Variants in SAMMSON observed in about 807,000 individuals in gnomAD.
The protein encoded by SAMMSON is survival associated mitochondrial melanoma specific oncogenic non-coding RNA.
intron 4 of SAMMSON, among the ~76,000 whole-genome samples, chr3:70,220,663 T>C (rs1245981305): frequency 6.6e-6 from 1 of 152,166 alleles, no homozygotes; most frequent in Non-Finnish European, 1.5e-5. Context: ...GGGTATCATG[T>C]ATGAGGAAAC....
chr3:70,040,042 C>A (rs61678936), intron 3 of SAMMSON, among the ~76,000 whole-genome samples: 2,811 of 152,104 alleles, frequency 0.018, 89 homozygotes, highest in African/African-American at 0.062. Flanking sequence ...GTGATTTCAA[C>A]TTTTTGGGCT....
At chr3:70,327,800 A>G (rs1702589938) in intron 7 of SAMMSON, among the ~76,000 whole-genome samples, 1 of 152,198 alleles carries the variant, frequency 6.6e-6, no homozygotes, top group African/African-American at 2.4e-5. Flanking sequence ...GGAAGCCATG[A>G]AAGGAGCCAA....
At chr3:70,021,788 G>T (rs2067014238) in intron 3 of SAMMSON, among the ~76,000 whole-genome samples, 1 of 152,036 alleles carries the variant, frequency 6.6e-6, no homozygotes, top group South Asian at 2.1e-4. Context: ...GAGTGCATTT[G>T]TACAAATCTG....
intron 4 of SAMMSON, among the ~76,000 whole-genome samples, chr3:70,207,962 A>T (rs775454599): frequency 3.9e-5 from 6 of 152,038 alleles, no homozygotes; most frequent in Non-Finnish European, 8.8e-5. Flanking sequence ...TAGAGGGATG[A>T]CTAAGACAGG....
chr3:70,315,683 T>A (rs1575624168), intron 7 of SAMMSON, among the ~76,000 whole-genome samples: 1 of 152,068 alleles, frequency 6.6e-6, no homozygotes, highest in Non-Finnish European at 1.5e-5. Flanking sequence ...GGACTAAGAT[T>A]TAGTCTCTTG....
At chr3:70,407,621 C>T (rs1390986378) in intron 2 of SAMMSON, among the ~76,000 whole-genome samples, 1 of 152,220 alleles carries the variant, frequency 6.6e-6, no homozygotes, top group Non-Finnish European at 1.5e-5. Flanking sequence ...AGGTGGGTTC[C>T]CATGGTCTTG....
At chr3:70,218,290 A>G (rs946157768) in intron 4 of SAMMSON, among the ~76,000 whole-genome samples, 53 of 152,160 alleles carry the variant, frequency 3.5e-4, no homozygotes, top group Non-Finnish European at 1.2e-4. Context: ...TACAGTGAAT[A>G]TGGTAGCATG....
At chr3:70,036,091 A>AT (rs1020688193) in intron 3 of SAMMSON, among the ~76,000 whole-genome samples, 11 of 152,110 alleles carry the variant, frequency 7.2e-5, no homozygotes, top group Non-Finnish European at 1.3e-4. Flanking sequence ...CTAAATGATG[A>AT]TTTTTTTAGA....
intron 6 of SAMMSON, among the ~76,000 whole-genome samples, chr3:70,251,047 ATGC>A (rs1701761687): frequency 1.3e-5 from 2 of 152,218 alleles, no homozygotes; most frequent in Non-Finnish European, 2.9e-5. Flanking sequence ...CTTAGAGAAT[ATGC>A]TGTACACGGT....
intron 4 of SAMMSON, among the ~76,000 whole-genome samples, chr3:70,243,929 A>G (rs190878112): frequency 1.8e-4 from 27 of 152,296 alleles, no homozygotes; most frequent in Admixed American, 1.0e-3. Context: ...TAAGTAACAG[A>G]GGAGGTAAGG....
Position 70,395,331 on chromosome 3 carries a change from C to CTTTTT in SAMMSON, n.233+37021_233+37025dup, listed in dbSNP as rs71126501. Among the ~76,000 whole-genome samples the CTTTTT allele has an allele frequency of 1.3e-3, 147 of 113,596 alleles. 1 individual carries two copies. Among genetic ancestry groups the CTTTTT allele is most frequent in the East Asian group, 3.0e-3 (10 of 3,316 alleles). 74.5% of individuals were successfully genotyped at this position (113,596 alleles called of 152,430 possible). ...CTCTCCTCTCCTTCTCTCTCTCTCT[C>CTTTTT]TTTTTTTTTTTTTTTTTTGTGTTGT... On this transcript the variant is annotated intron_variant and non_coding_transcript_variant, in intron 2 of 3. Transcript: ENST00000641053.
intron 6 of SAMMSON, among the ~76,000 whole-genome samples, chr3:70,279,306 T>C (rs778032812): frequency 6.6e-6 from 1 of 152,090 alleles, no homozygotes; most frequent in African/African-American, 2.4e-5. Context: ...CAAATCATCC[T>C]TGAACACATA....
chr3:70,328,657 A>G (rs1327228231), intron 7 of SAMMSON, among the ~76,000 whole-genome samples: 1 of 152,162 alleles, frequency 6.6e-6, no homozygotes, highest in African/African-American at 2.4e-5. Context: ...AAAATAAGGA[A>G]TTGGGCATCA....
intron 7 of SAMMSON, among the ~76,000 whole-genome samples, chr3:70,344,489 C>T (rs1172550697): frequency 6.6e-6 from 1 of 152,184 alleles, no homozygotes; most frequent in Non-Finnish European, 1.5e-5. Flanking sequence ...CCTGCATTCA[C>T]CATCCTTCAA....
At chr3:70,049,649 G>A (rs1173594217) in intron 3 of SAMMSON, among the ~76,000 whole-genome samples, 1 of 151,984 alleles carries the variant, frequency 6.6e-6, no homozygotes, top group East Asian at 1.9e-4. Context: ...GTTGTCACTA[G>A]CATCATCATC....
chr3:70,174,816 C>T (rs1159257719), intron 4 of SAMMSON, among the ~76,000 whole-genome samples: 1 of 151,728 alleles, frequency 6.6e-6, no homozygotes, highest in Admixed American at 6.6e-5. Context: ...GGAACCATTT[C>T]TAATTATAGA....
At position 70,285,061 on chromosome 3, in the gene SAMMSON, T is replaced by C. The variant is rs1473333584; in HGVS notation, n.675-6118T>C. 5.3e-5 allele frequency among the ~76,000 whole-genome samples: 8 copies of C among 152,168 alleles called. No individual in the cohort carries two copies. The South Asian group carries it at 1.0e-3, about 20-fold the overall frequency. ...ACTTATTTTTTTTTAACTTTTTTTT[T>C]CTTTTATTATTATACTTTAAGTTTT... is the stretch of plus-strand genomic sequence containing the variant. On this transcript the variant is annotated intron_variant and non_coding_transcript_variant, in intron 6 of 9. Coordinates refer to ENST00000642114, the Ensembl canonical transcript of SAMMSON.
chr3:70,157,402 G>A (rs930100137), intron 4 of SAMMSON, among the ~76,000 whole-genome samples: 2 of 152,064 alleles, frequency 1.3e-5, no homozygotes, highest in African/African-American at 4.8e-5. Context: ...CAAAATATAC[G>A]CTGAGGAGAA....
intron 1 of SAMMSON, among the ~76,000 whole-genome samples, chr3:70,011,983 A>C (rs764017992): frequency 1.3e-5 from 2 of 152,016 alleles, no homozygotes; most frequent in African/African-American, 2.4e-5. Flanking sequence ...TGTGAGTTAG[A>C]GGTGATATGG....
Sources: allele counts gnomAD v4.1 joint callset (sites outside exome capture counted in the v4.1 genomes callset), GRCh38; gene constraint gnomAD v4.1.1; transcripts MANE v1.5; gene names NCBI Gene and HGNC (gene_info 2026-07-23, HGNC 2026-07-21).